C22orf42: variants seen among roughly 807,000 people sequenced by gnomAD.
C22orf42 encodes chromosome 22 open reading frame 42.
A neutral mutation model predicts 31.4 loss-of-function variants in C22orf42; 24 were observed. The observed-to-expected ratio is 0.77, with a 90% CI of 0.55 to 1.08. The LOEUF is 1.08. Ranked by LOEUF, C22orf42 falls within the 50% of genes least tolerant of loss-of-function variation. C22orf42 has a pLI of 0.00. For missense variants in C22orf42, 276 were observed against 327.3 expected (o/e 0.84, Z 1.21); for synonymous variants, 96 against 112.7 (o/e 0.85, Z 0.94).
chr22:32,159,025 A>G lies in C22orf42; in HGVS notation c.191T>C (p.Leu64Pro). Residue 64 changes from leucine (L) to proline (P), a missense_variant, in exon 1 of 9, where the codon CTC (leucine) becomes CCC (proline). Transcript: ENST00000382097. ...KAKKAQLMQYLSLPKTPKMLK... is the reference protein window; with the variant it reads ...KAKKAQLMQYPSLPKTPKMLK... ...CATCTTCGGCGTCTTCGGGAGGCTG[A>G]GGTACTGCATGAGTTGGGCCTTCTT... 1 of 1,614,180 alleles carries G rather than the reference A, an allele frequency of 6.2e-7. No individual in the cohort carries two copies. Among genetic ancestry groups the G allele is most frequent in the Non-Finnish European group, 8.5e-7 (1 of 1,180,034 alleles).
At chr22:32,151,757 C>T (rs1603178198) in intron 4 of C22orf42, among the ~76,000 whole-genome samples, 1 of 152,154 alleles carries the variant, frequency 6.6e-6, no homozygotes, top group East Asian at 1.9e-4. Flanking sequence ...GGCTTTCCAG[C>T]TAGGGCAACC....
chr22:32,149,398 C>G lies in C22orf42; in HGVS notation c.*142G>C. ...CAAGAGGACTGGCTGCAGCCACAAA[C>G]TGCAGGTCACTGTTCACAGGTGCTC... On this transcript the variant is annotated 3_prime_UTR_variant, in exon 9 of 9. Coordinates refer to ENST00000382097, the MANE Select transcript of C22orf42 (RefSeq NM_001010859.3). 3.9e-6 allele frequency: 4 copies of G among 1,035,684 alleles called. No homozygotes were observed. Among genetic ancestry groups the G allele is most frequent in the Non-Finnish European group, 5.0e-6 (4 of 807,896 alleles). The allele number at this position is 1,035,684 out of a possible 1,614,324, so 64.2% of individuals were successfully genotyped here.
chr22:32,155,253 A>G (rs1277180665), intron 1 of C22orf42, among the ~76,000 whole-genome samples: 1 of 152,116 alleles, frequency 6.6e-6, no homozygotes, highest in Non-Finnish European at 1.5e-5. Context: ...TGCCCTGGAG[A>G]GATGGCAGGT....
At chr22:32,155,813 G>T (rs899872897) in intron 1 of C22orf42, among the ~76,000 whole-genome samples, 1 of 152,164 alleles carries the variant, frequency 6.6e-6, no homozygotes, top group African/African-American at 2.4e-5. Flanking sequence ...CAGGAGGATT[G>T]CTTGAGGTCA....
At position 32,150,333 on chromosome 22, in the gene C22orf42, T is replaced by C. The variant is rs759290068; in HGVS notation, c.640A>G (p.Met214Val). The C allele has an allele frequency of 6.2e-7, 1 of 1,614,086 alleles. No homozygotes were observed. Among genetic ancestry groups the C allele is most frequent in the Non-Finnish European group, 8.5e-7 (1 of 1,179,924 alleles). Residue 214 changes from methionine to valine, a missense_variant, in exon 7 of 9, where the codon ATG (methionine) becomes GTG (valine). Physicochemically the swap from Met to Val is conservative, Grantham distance 21 (BLOSUM62 1). Transcript: ENST00000382097. ...ATGCATCTTACCATCTCCGGTGTCA[T>C]GAGGTCTTCAAGAGAGACAGATAGG... ...ESLSVSLEDL[M>V]TPEMAKERYE... is the part of the protein sequence containing the mutation.
At position 32,151,531 on chromosome 22, in the gene C22orf42, C is replaced by T. The variant is rs761272320; in HGVS notation, c.421G>A (p.Val141Met). Residue 141 changes from valine (V) to methionine (M), a missense_variant, in exon 5 of 9, where the codon GTG (valine) becomes ATG (methionine). Physicochemically the swap from Val to Met is conservative, Grantham distance 21. Coordinates refer to ENST00000382097, the MANE Select transcript of C22orf42 (RefSeq NM_001010859.3). ...HDHRPTEDVQ[V>M]SAHGGVEENI... ...TCCTCCACACCGCCGTGTGCAGACA[C>T]CTGCACATCTTCAGTGGGACCTAGG... 9 of 1,613,752 alleles carry T rather than the reference C, an allele frequency of 5.6e-6. No individual in the cohort carries two copies. In the Admixed American group the frequency reaches 1.5e-4, roughly 27 times the overall value.
Position 32,149,641 on chromosome 22 carries a change from C to CAAA in C22orf42, c.683-31_683-29dup, listed in dbSNP as rs142171049. 3.6e-3 allele frequency: 4,420 copies of CAAA among 1,235,228 alleles called. 96 individuals carry two copies. In the African/African-American group the frequency reaches 0.055, roughly 16 times the overall value. 76.5% of individuals were successfully genotyped at this position (1,235,228 alleles called of 1,614,324 possible). ...AGGGGAAAAGAACAAGACTTCATCT[C>CAAA]AAAAAAAAAATATATATATATATAT... On this transcript the variant is annotated intron_variant, in intron 8 of 8. Transcript: ENST00000382097.
upstream of C22orf42, chr22:32,159,411 C>T: frequency 1.4e-6 from 2 of 1,422,960 alleles, no homozygotes; most frequent in East Asian, 2.6e-5. Context: ...GCCGACCCCA[C>T]AGACCCACCA....
intron 1 of C22orf42, among the ~76,000 whole-genome samples, chr22:32,157,137 A>C (rs1569336117): frequency 6.6e-6 from 1 of 151,700 alleles, no homozygotes; most frequent in African/African-American, 2.4e-5. Context: ...TTTATTACCT[A>C]CTTTTAGGAT....
intron 2 of C22orf42, among the ~76,000 whole-genome samples, chr22:32,153,052 A>T (rs1448310753): frequency 1.3e-5 from 2 of 152,236 alleles, no homozygotes; most frequent in Admixed American, 6.5e-5. Context: ...GTAGTGAAGC[A>T]TACATATTTA....
intron 2 of C22orf42, among the ~76,000 whole-genome samples, chr22:32,153,392 G>C: frequency 1.3e-5 from 2 of 152,160 alleles, no homozygotes; most frequent in Non-Finnish European, 2.9e-5. Flanking sequence ...TGTTTAAGAA[G>C]AGTCAAATCA....
intron 6 of C22orf42, 76 bp from the exon 7 acceptor site, chr22:32,150,555 A>C: frequency 1.3e-6 from 2 of 1,494,042 alleles, no homozygotes; most frequent in Non-Finnish European, 1.9e-6. Context: ...GATGTGGACC[A>C]GGGCTGGATC....
At position 32,159,150 on chromosome 22, in the gene C22orf42, TG is replaced by T; in HGVS notation, c.65del (p.Pro22GlnfsTer32). The T allele has an allele frequency of 6.2e-7, 1 of 1,614,156 alleles. No individual in the cohort carries two copies. The highest frequency in any genetic ancestry group is 8.5e-7 in the Non-Finnish European group (1 of 1,180,036). On this transcript the variant is annotated frameshift_variant, in exon 1 of 9. Transcript: ENST00000382097. LOFTEE classifies it high-confidence loss of function. ...CACACTCATGGCAGGGTCCCACATC[TG>T]GCCTGCAGCAGTCACAGTTGAGGCC... The part of the protein sequence containing the change: ...SGGLNCDCCR[P>X]DVGPCHECEI...
rs1406038113 is a variant in C22orf42 at position 32,151,024 on chromosome 22, A to G, written c.466-5T>C. 2 of 1,612,300 alleles carry G rather than the reference A, an allele frequency of 1.2e-6. No homozygotes were observed. The highest frequency in any genetic ancestry group is 1.3e-5 in the African/African-American group (1 of 74,794). ...GTGCTTGGCCTCAGATATTTCCTGC[A>G]GTAAGAGAAAAGAAAAAGAAACACC... On this transcript the variant is annotated splice_polypyrimidine_tract_variant and splice_region_variant and intron_variant, in intron 5 of 8. Transcript: ENST00000382097.
In C22orf42 at chr22:32,149,102, A is replaced by AC. The variant is rs2094107471; in HGVS notation, c.*437dup. 2 of 152,412 alleles carry AC rather than the reference A, an allele frequency of 1.3e-5. No homozygotes were observed. Among genetic ancestry groups the AC allele is most frequent in the Admixed American group, 1.3e-4 (2 of 15,296 alleles). The allele number at this position is 152,412 out of a possible 1,614,324, so 9.4% of individuals were successfully genotyped here. ...ACCCCCTTACAGTTTGGTAAGAATT[A>AC]CATGAGATAAAATATGTAACTAGCA... On this transcript the variant is annotated 3_prime_UTR_variant, in exon 9 of 9. Coordinates refer to ENST00000382097, the MANE Select transcript of C22orf42 (RefSeq NM_001010859.3).
At chr22:32,153,144 T>C (rs1921062656) in intron 2 of C22orf42, among the ~76,000 whole-genome samples, 1 of 152,160 alleles carries the variant, frequency 6.6e-6, no homozygotes, top group Non-Finnish European at 1.5e-5. Context: ...TAATGAGAAA[T>C]ATCTAAATTC....
Position 32,149,586 on chromosome 22 carries a change from A to G in C22orf42, c.710T>C (p.Leu237Pro). 1 of 1,530,412 alleles carries G rather than the reference A, an allele frequency of 6.5e-7. No homozygotes were observed. The highest frequency in any genetic ancestry group is 8.8e-7 in the Non-Finnish European group (1 of 1,133,216). 94.8% of individuals were successfully genotyped at this position (1,530,412 alleles called of 1,614,324 possible). ...LCWVKMARSR[L>P]NEPISSQVLG... ...AACCTGGCTGCTGATGGGTTCATTG[A>G]GCCGAGACCGTGCCATCTTAACCCA... is the stretch of plus-strand genomic sequence containing the variant. The change falls in exon 9 of 9, where the codon CTC becomes CCC. Residue 237 changes from leucine (L) to proline (P), a missense_variant. Leu to Pro is a moderately conservative substitution (Grantham distance 98). Coordinates refer to ENST00000382097, the MANE Select transcript of C22orf42 (RefSeq NM_001010859.3).
At chr22:32,153,729 A>G (rs370484933) in intron 2 of C22orf42, among the ~76,000 whole-genome samples, 3 of 152,308 alleles carry the variant, frequency 2.0e-5, no homozygotes, top group East Asian at 3.9e-4. Flanking sequence ...TCCAAACAAG[A>G]CACAGGAAGG....
chr22:32,157,028 A>G (rs1400964417), intron 1 of C22orf42, among the ~76,000 whole-genome samples: 2 of 152,232 alleles, frequency 1.3e-5, no homozygotes, highest in African/African-American at 4.8e-5. Context: ...TCAGTAGGAG[A>G]GACACTGCAG....
Sources: allele counts gnomAD v4.1 joint callset (sites outside exome capture counted in the v4.1 genomes callset), GRCh38; gene constraint gnomAD v4.1.1; transcripts MANE v1.5; gene names NCBI Gene and HGNC (gene_info 2026-07-23, HGNC 2026-07-21).